The following MRPL37 variants were observed in gnomAD, a reference collection of about 807,000 sequenced individuals.
MRPL37 encodes the protein large ribosomal subunit protein mL37.
Under a neutral mutation model 44.1 loss-of-function variants are expected in MRPL37, and 34 were observed. The observed-to-expected ratio is 0.77, with a 90% CI of 0.59 to 1.03. The LOEUF (loss-of-function observed/expected upper bound fraction) is 1.03. Ranked by LOEUF, MRPL37 falls within the 50% of genes least tolerant of loss-of-function variation. The pLI is 0.00. For missense variants in MRPL37, 532 were observed against 543.7 expected (o/e 0.98, Z 0.21); for synonymous variants, 212 against 219.5 (o/e 0.97, Z 0.30).
chr1:54,218,475 G>A, downstream of MRPL37: 1 of 1,090,664 alleles, frequency 9.2e-7, no homozygotes, highest in Non-Finnish European at 1.3e-6. Flanking sequence ...GCCCAGCTCT[G>A]CCCTTGACCC....
At chr1:54,211,122 C>T (rs1444558604) in intron 4 of MRPL37, among the ~76,000 whole-genome samples, 1 of 152,120 alleles carries the variant, frequency 6.6e-6, no homozygotes, top group African/African-American at 2.4e-5. Flanking sequence ...CTTCAGCTTG[C>T]TAACTTGTCA....
At chr1:54,208,939 C>T (rs1570144764) in intron 3 of MRPL37, among the ~76,000 whole-genome samples, 1 of 151,962 alleles carries the variant, frequency 6.6e-6, no homozygotes, top group Admixed American at 6.6e-5. Context: ...CAGGACATTC[C>T]CTCCCCCCAC....
rs1644067297 is a variant in MRPL37 at position 54,200,266 on chromosome 1, CAAGGCG to C, written c.24_29del (p.Arg9_Arg10del). 6.3e-7 allele frequency: 1 copy of C among 1,596,484 alleles called. No individual in the cohort carries two copies. The highest frequency in any genetic ancestry group is 8.5e-7 in the Non-Finnish European group (1 of 1,173,510). Reference sequence around the variant, plus strand: ...GGTATGGCATTGGCGTCCGGGCCCGCAAGGCGGGCGCTAGCTGGCTCCGGGCAGCTC... The same window carrying C: ...GGTATGGCATTGGCGTCCGGGCCCGCGGCGCTAGCTGGCTCCGGGCAGCTC... On this transcript the variant is annotated inframe_deletion, in exon 1 of 7. Coordinates refer to ENST00000360840, the MANE Select transcript of MRPL37 (RefSeq NM_016491.4).
Position 54,218,271 on chromosome 1 carries a change from T to C in MRPL37, c.*22T>C, listed in dbSNP as rs1266103117. ...GTGAGCGGAGGACCCCTCTGAATCC[T>C]GAAACCCCTCTTGCCTCTCTTCCAC... On this transcript the variant is annotated 3_prime_UTR_variant, in exon 7 of 7. Coordinates refer to ENST00000360840, the MANE Select transcript of MRPL37 (RefSeq NM_016491.4). 6.2e-7 allele frequency: 1 copy of C among 1,614,156 alleles called. No individual in the cohort carries two copies. Among genetic ancestry groups the C allele is most frequent in the South Asian group, 1.1e-5 (1 of 91,070 alleles).
At chr1:54,220,900 A>G (rs558865625), downstream of MRPL37, 17 of 430,558 alleles carry the variant, frequency 3.9e-5, no homozygotes, top group South Asian at 2.7e-4. Context: ...ACTGTCTCAT[A>G]TATTTAAATT....
chr1:54,220,405 T>C (rs1000885415), downstream of MRPL37, among the ~76,000 whole-genome samples: 11 of 152,186 alleles, frequency 7.2e-5, no homozygotes, highest in Admixed American at 1.3e-4. Context: ...GATGCTGGCC[T>C]TAGTGCTAAG....
intron 1 of MRPL37, among the ~76,000 whole-genome samples, chr1:54,202,422 A>G (rs1644091497): frequency 6.6e-6 from 1 of 152,214 alleles, no homozygotes; most frequent in Non-Finnish European, 1.5e-5. Flanking sequence ...AAATTGCCTG[A>G]GGGTGTCTCC....
chr1:54,216,326 C>G lies in MRPL37; in HGVS notation c.1176C>G (p.Ile392Met). Reference sequence around the variant, plus strand: ...AGCATTTTTGGTGTCTCCCAGTGATCAAAAAGAGAGTGGTTGTGGTAAGTT... The same window carrying G: ...AGCATTTTTGGTGTCTCCCAGTGATGAAAAAGAGAGTGGTTGTGGTAAGTT... Reference protein sequence around the residue: ...LYQHFWCLPVIKKRVVVEPVG... With the variant: ...LYQHFWCLPVMKKRVVVEPVG... Residue 392 changes from isoleucine (I) to methionine (M), a missense_variant, in exon 6 of 7, where the codon ATC (isoleucine) becomes ATG (methionine). Ile to Met is a conservative substitution (Grantham distance 10). Transcript: ENST00000360840. The G allele has an allele frequency of 1.2e-6, 2 of 1,613,950 alleles. No homozygotes were observed. The highest frequency in any genetic ancestry group is 1.1e-5 in the South Asian group (1 of 91,048).
At chr1:54,201,498 A>T (rs965746889) in intron 1 of MRPL37, among the ~76,000 whole-genome samples, 1 of 152,258 alleles carries the variant, frequency 6.6e-6, no homozygotes, top group African/African-American at 2.4e-5. Context: ...TACCAAGTGG[A>T]TGAATGCATT....
intron 3 of MRPL37, among the ~76,000 whole-genome samples, chr1:54,206,602 G>T (rs13374450): frequency 0.32 from 48,809 of 151,852 alleles, 8,013 homozygotes; most frequent in Non-Finnish European, 0.34. Context: ...TGGAGATGGG[G>T]TTTCACCATG....
chr1:54,200,728 C>T (rs1326858133), intron 1 of MRPL37, 139 bp downstream of exon 1: 3 of 959,102 alleles, frequency 3.1e-6, no homozygotes, highest in African/African-American at 3.3e-5. Context: ...TAGTGATTCC[C>T]GTCTTCTGAG....
downstream of MRPL37, among the ~76,000 whole-genome samples, chr1:54,224,412 G>A (rs539052332): frequency 2.6e-5 from 4 of 152,248 alleles, no homozygotes; most frequent in South Asian, 4.1e-4. Flanking sequence ...GTCCGTGCAC[G>A]GCACTGTTCT....
chr1:54,222,740 C>T (rs2100522095), downstream of MRPL37, among the ~76,000 whole-genome samples: 1 of 152,294 alleles, frequency 6.6e-6, no homozygotes, highest in Non-Finnish European at 1.5e-5. Context: ...GGCAACAACT[C>T]CCATGGTATG....
intron 5 of MRPL37, among the ~76,000 whole-genome samples, chr1:54,215,748 C>G (rs1644192617): frequency 6.6e-6 from 1 of 152,310 alleles, no homozygotes; most frequent in Admixed American, 6.5e-5. Context: ...TCCGTTGACC[C>G]TCCGGATTCA....
intron 3 of MRPL37, among the ~76,000 whole-genome samples, chr1:54,205,939 CT>C: frequency 6.6e-6 from 1 of 152,212 alleles, no homozygotes; most frequent in South Asian, 2.1e-4. Context: ...GCCACTTAGT[CT>C]TTCTAGTCTT....
chr1:54,222,616 G>A (rs1196561773), downstream of MRPL37, among the ~76,000 whole-genome samples: 26 of 152,022 alleles, frequency 1.7e-4, no homozygotes, highest in Admixed American at 1.6e-3. Context: ...CTGCTCTGTC[G>A]CCTTTGTGGG....
intron 1 of MRPL37, among the ~76,000 whole-genome samples, chr1:54,202,765 A>G (rs1045342277): frequency 1.3e-5 from 2 of 152,216 alleles, no homozygotes; most frequent in Admixed American, 6.5e-5. Context: ...TGCTGAGGTT[A>G]TAGGTATGAG....
In MRPL37 at chr1:54,210,263, TGTGGCAGCCCCATGAGACAA is replaced by T. The variant is rs369350149; in HGVS notation, c.832+135_832+154del. 303 of 817,790 alleles carry T rather than the reference TGTGGCAGCCCCATGAGACAA, an allele frequency of 3.7e-4. 1 individual carries two copies. In the East Asian group the frequency reaches 7.5e-3, roughly 20 times the overall value. 50.7% of individuals were successfully genotyped at this position (817,790 alleles called of 1,614,324 possible). A position where few individuals can be genotyped will look rare whatever the true frequency, so the allele number is the denominator to read the frequency against. On this transcript the variant is annotated intron_variant, in intron 4 of 6. Transcript: ENST00000360840. ...TGTATTACCTATCTCCTAGGATCCATGTGGCAGCCCCATGAGACAAGTACTATTATCTCCATTTCATAGGC... is the reference window on the plus strand; with the variant it reads ...TGTATTACCTATCTCCTAGGATCCATGTACTATTATCTCCATTTCATAGGC...
chr1:54,205,400 C>G lies in MRPL37; in HGVS notation c.636C>G (p.Thr212=). Reference sequence around the variant, plus strand: ...TCCAAAACTCCACGTTTTCTGCTACCTGGAACCGAGGTTGGTCATCTTGTA... The same window carrying G: ...TCCAAAACTCCACGTTTTCTGCTACGTGGAACCGAGGTTGGTCATCTTGTA... The part of the protein sequence containing the change: ...ICVQNSTFSA[T]WNRESLLLQV... Residue 212 remains threonine, a synonymous_variant, in exon 3 of 7, where the codon ACC becomes ACG. Transcript: ENST00000360840. 1.9e-6 allele frequency: 3 copies of G among 1,613,644 alleles called. No homozygotes were observed. The highest frequency in any genetic ancestry group is 2.5e-6 in the Non-Finnish European group (3 of 1,179,700).
Sources: gnomAD v4.1 joint callset for allele counts (sites outside exome capture counted in the v4.1 genomes callset) on GRCh38, gnomAD v4.1.1 for gene constraint, MANE v1.5 for transcripts, NCBI Gene and HGNC (gene_info 2026-07-23, HGNC 2026-07-21) for gene names.